The following ANXA10 variants were observed in gnomAD, a reference collection of about 807,000 sequenced individuals.
ANXA10 encodes the protein annexin A10.
ANXA10 carries 49 observed loss-of-function variants against 53.5 expected under a neutral mutation model. The ratio of observed to expected loss-of-function variants is 0.92; its 90% confidence interval spans 0.73 to 1.16. The LOEUF is 1.16. Among genes scored for constraint, ANXA10 ranks in the 50% most tolerant of loss-of-function variants. The probability of loss-of-function intolerance (pLI) is 0.00; values close to 1 mark genes in which losing one functional copy is unlikely to be tolerated. For missense variants in ANXA10, 393 were observed against 394.4 expected (o/e 1.00, Z 0.03); for synonymous variants, 131 against 128.9 (o/e 1.02, Z -0.11).
chr4:168,143,400 A>T (rs1271164659), intron 3 of ANXA10, among the ~76,000 whole-genome samples: 1 of 152,202 alleles, frequency 6.6e-6, no homozygotes, highest in Non-Finnish European at 1.5e-5. Flanking sequence ...CTCCATGAAC[A>T]CTTCTTACTT....
intron 1 of ANXA10, among the ~76,000 whole-genome samples, chr4:168,110,191 C>T (rs563108811): frequency 2.0e-5 from 3 of 151,968 alleles, no homozygotes; most frequent in Admixed American, 6.6e-5. Flanking sequence ...CCAGCCTGGG[C>T]GACAGAGCGA....
intron 3 of ANXA10, among the ~76,000 whole-genome samples, chr4:168,152,855 G>T (rs1731521107): frequency 6.7e-6 from 1 of 150,174 alleles, no homozygotes; most frequent in Non-Finnish European, 1.5e-5. Flanking sequence ...TATATCTATT[G>T]TTTTTGAGAC....
At chr4:168,109,764 A>T (rs1160356783) in intron 1 of ANXA10, among the ~76,000 whole-genome samples, 1 of 152,222 alleles carries the variant, frequency 6.6e-6, no homozygotes, top group Non-Finnish European at 1.5e-5. Flanking sequence ...TAAAATCATA[A>T]CAAAATATAC....
intron 2 of ANXA10, 90 bp from the exon 3 acceptor site, chr4:168,139,396 C>A: frequency 1.0e-6 from 1 of 968,968 alleles, no homozygotes; most frequent in Non-Finnish European, 1.6e-6. Context: ...AGGGATAATG[C>A]GTGCATACTG....
chr4:168,112,073 C>T (rs919562746), intron 1 of ANXA10, among the ~76,000 whole-genome samples: 1 of 152,146 alleles, frequency 6.6e-6, no homozygotes, highest in African/African-American at 2.4e-5. Flanking sequence ...GCAGGCGGAT[C>T]ACTTGAGGCC....
chr4:168,180,959 A>G (rs2149481544), intron 9 of ANXA10, among the ~76,000 whole-genome samples: 1 of 152,252 alleles, frequency 6.6e-6, no homozygotes, highest in Non-Finnish European at 1.5e-5. Flanking sequence ...TCCCCTTAAG[A>G]GATTTCAGGT....
intron 3 of ANXA10, among the ~76,000 whole-genome samples, chr4:168,149,331 T>C (rs955409159): frequency 6.6e-6 from 1 of 152,240 alleles, no homozygotes; most frequent in African/African-American, 2.4e-5. Flanking sequence ...CTTGTCCACA[T>C]ATGTAGAATA....
rs140337425 is a variant in ANXA10 at position 168,130,062 on chromosome 4, G to A, written c.100+1897G>A. Among the ~76,000 whole-genome samples, 738 of 152,220 alleles carry A rather than the reference G, an allele frequency of 4.8e-3. 5 individuals carry two copies. Among genetic ancestry groups the A allele is most frequent in the Admixed American group, 0.029 (441 of 15,262 alleles). ...TATTCAGAGTGGACAATCTCAGCTTGTTCCTGATCTTTCTGATCATTAAGT... is the reference window on the plus strand; with the variant it reads ...TATTCAGAGTGGACAATCTCAGCTTATTCCTGATCTTTCTGATCATTAAGT... On this transcript the variant is annotated intron_variant, in intron 2 of 11. Transcript: ENST00000359299.
At chr4:168,181,582 G>A (rs1160422669) in intron 9 of ANXA10, 101 bp from the exon 10 acceptor site, 22 of 951,310 alleles carry the variant, frequency 2.3e-5, no homozygotes, top group Middle Eastern at 2.1e-4. Flanking sequence ...ACAATACAAT[G>A]TAAGAATTGT....
chr4:168,183,003 G>A (rs1481932519), intron 10 of ANXA10, among the ~76,000 whole-genome samples: 2 of 118,354 alleles, frequency 1.7e-5, no homozygotes, highest in South Asian at 2.7e-4. Context: ...GCGAGACACC[G>A]TCTCGGAAAA....
chr4:168,173,923 C>G (rs7661176), intron 6 of ANXA10, among the ~76,000 whole-genome samples: 23,899 of 151,676 alleles, frequency 0.16, 3,254 homozygotes, highest in African/African-American at 0.36. Flanking sequence ...CAGCACATAC[C>G]CCCCCATTCT....
At position 168,155,829 on chromosome 4, in the gene ANXA10, G is replaced by GATATATGATATATT. The variant is rs1491584252; in HGVS notation, c.196-6693_196-6692insGATATATTATATAT. Among the ~76,000 whole-genome samples the GATATATGATATATT allele has an allele frequency of 7.8e-3, 64 of 8,196 alleles. 14 individuals carry two copies. The East Asian group carries it at 0.12, about 16-fold the overall frequency. The allele number at this position is 8,196 out of a possible 152,430, so 5.4% of individuals were successfully genotyped here. A position where few individuals can be genotyped will look rare whatever the true frequency, so the allele number is the denominator to read the frequency against. On this transcript the variant is annotated intron_variant, in intron 3 of 11. Coordinates refer to ENST00000359299, the MANE Select transcript of ANXA10 (RefSeq NM_007193.5). ...ATATGATATATTATATATGATATATGATATATCATATATAATATAATATAT... is the reference window on the plus strand; with the variant it reads ...ATATGATATATTATATATGATATATGATATATGATATATTATATATCATATATAATATAATATAT...
chr4:168,172,637 C>T (rs117847743), intron 6 of ANXA10, among the ~76,000 whole-genome samples: 3,682 of 152,198 alleles, frequency 0.024, 199 homozygotes, highest in East Asian at 0.14. Context: ...CCTTAAGATG[C>T]TTACATTCTA....
intron 1 of ANXA10, among the ~76,000 whole-genome samples, chr4:168,121,296 C>T (rs1483119928): frequency 6.6e-6 from 1 of 152,020 alleles, no homozygotes; most frequent in Admixed American, 6.6e-5. Context: ...TCTTCAAATT[C>T]CATGGAATTT....
chr4:168,105,680 C>T (rs1730709505), intron 1 of ANXA10, among the ~76,000 whole-genome samples: 1 of 152,014 alleles, frequency 6.6e-6, no homozygotes, highest in African/African-American at 2.4e-5. Flanking sequence ...TCAGCTCCTT[C>T]AGGAATCACC....
intron 1 of ANXA10, among the ~76,000 whole-genome samples, chr4:168,106,864 T>C (rs902238831): frequency 1.3e-5 from 2 of 152,190 alleles, no homozygotes; most frequent in Non-Finnish European, 2.9e-5. Context: ...TGTATGCTTC[T>C]TTTTATGCCC....
chr4:168,138,689 G>A (rs1273491074), intron 2 of ANXA10, among the ~76,000 whole-genome samples: 1 of 152,212 alleles, frequency 6.6e-6, no homozygotes, highest in East Asian at 1.9e-4. Context: ...TGGATAGTAT[G>A]ATAATTTTAG....
At chr4:168,162,489 G>T (rs773726818) in intron 3 of ANXA10, 39 bp from the exon 4 acceptor site, 47 of 1,414,664 alleles carry the variant, frequency 3.3e-5, no homozygotes, top group Non-Finnish European at 4.5e-5. Flanking sequence ...TTGCAAATTT[G>T]GTAACATATA....
intron 1 of ANXA10, 100 bp from the exon 2 acceptor site, chr4:168,127,984 A>G: frequency 1.9e-6 from 2 of 1,079,922 alleles, no homozygotes; most frequent in African/African-American, 1.6e-5. Flanking sequence ...TCTGCCTCCC[A>G]AAGTGCAGAG....
Sources: allele counts gnomAD v4.1 joint callset (sites outside exome capture counted in the v4.1 genomes callset), GRCh38; gene constraint gnomAD v4.1.1; transcripts MANE v1.5; gene names NCBI Gene and HGNC (gene_info 2026-07-23, HGNC 2026-07-21).